Variants in KCTD16 observed in about 807,000 individuals in gnomAD.
KCTD16 encodes the protein potassium channel tetramerization domain containing 16, also known as BTB/POZ domain-containing protein KCTD16.
A neutral mutation model predicts 33.2 loss-of-function variants in KCTD16; 13 were observed. That is an observed-to-expected ratio of 0.39 (90% CI 0.25 to 0.62). The LOEUF (loss-of-function observed/expected upper bound fraction) is 0.62, where lower values mean the gene tolerates loss of function less well. KCTD16 is among the 20% of genes least tolerant of loss of function. The pLI, the probability that KCTD16 is intolerant of heterozygous loss-of-function variation, is 0.50. For synonymous variants in KCTD16, 197 were observed against 195.3 expected (o/e 1.01, Z -0.07); for missense variants, 441 against 525.1 (o/e 0.84, Z 1.57).
intron 3 of KCTD16, among the ~76,000 whole-genome samples, chr5:144,269,582 C>A (rs1755239640): frequency 6.6e-6 from 1 of 151,948 alleles, no homozygotes; most frequent in South Asian, 2.1e-4. Flanking sequence ...ACCCGCCCTG[C>A]AAGAAATGTA....
intron 3 of KCTD16, among the ~76,000 whole-genome samples, chr5:144,322,948 G>A (rs1460544038): frequency 6.6e-6 from 1 of 152,068 alleles, no homozygotes; most frequent in Non-Finnish European, 1.5e-5. Flanking sequence ...CTGACACAAA[G>A]GAAATAGAAT....
intron 3 of KCTD16, among the ~76,000 whole-genome samples, chr5:144,317,418 CA>C (rs777803743): frequency 1.3e-5 from 2 of 152,170 alleles, no homozygotes; most frequent in Non-Finnish European, 2.9e-5. Context: ...ACTTATTCAA[CA>C]GTAGATTTCT....
At chr5:144,377,238 A>G (rs913247478) in intron 3 of KCTD16, among the ~76,000 whole-genome samples, 6 of 152,062 alleles carry the variant, frequency 3.9e-5, no homozygotes, top group African/African-American at 1.4e-4. Context: ...TAACTATAAC[A>G]TTTTCAAATA....
intron 3 of KCTD16, among the ~76,000 whole-genome samples, chr5:144,220,160 A>G (rs1207838071): frequency 6.6e-6 from 1 of 152,088 alleles, no homozygotes; most frequent in Admixed American, 6.6e-5. Flanking sequence ...CCAAACACTC[A>G]TCCTTCCACT....
At chr5:144,319,978 A>G (rs1433836683) in intron 3 of KCTD16, among the ~76,000 whole-genome samples, 1 of 152,168 alleles carries the variant, frequency 6.6e-6, no homozygotes, top group Non-Finnish European at 1.5e-5. Context: ...AGAGTTATAC[A>G]TTCAACTTGA....
chr5:144,212,407 G>T, intron 3 of KCTD16, among the ~76,000 whole-genome samples: 1 of 152,160 alleles, frequency 6.6e-6, no homozygotes, highest in East Asian at 1.9e-4. Context: ...TTGGCAGCAA[G>T]AATTGTGTCA....
chr5:144,340,905 C>A (rs866621671), intron 3 of KCTD16, among the ~76,000 whole-genome samples: 83 of 152,098 alleles, frequency 5.5e-4, no homozygotes, highest in African/African-American at 1.8e-3. Context: ...CAAAAATTAG[C>A]CAGGCACGGT....
chr5:144,224,472 G>T (rs60094449), intron 3 of KCTD16, among the ~76,000 whole-genome samples: 3 of 130,574 alleles, frequency 2.3e-5, no homozygotes, highest in South Asian at 2.6e-4. Context: ...CTGACATAAA[G>T]AATTAATGGT....
intron 3 of KCTD16, among the ~76,000 whole-genome samples, chr5:144,444,899 T>A (rs1244837690): frequency 6.7e-6 from 1 of 149,722 alleles, no homozygotes; most frequent in African/African-American, 2.4e-5. Context: ...ATGTGTGTAA[T>A]ATAGTATATA....
At chr5:144,459,463 T>C (rs1426925855) in intron 3 of KCTD16, among the ~76,000 whole-genome samples, 1 of 151,934 alleles carries the variant, frequency 6.6e-6, no homozygotes, top group African/African-American at 2.4e-5. Flanking sequence ...GTGCTTCTCC[T>C]GCCTCAGCCT....
intron 3 of KCTD16, among the ~76,000 whole-genome samples, chr5:144,225,956 T>A (rs1753918938): frequency 6.6e-6 from 1 of 152,240 alleles, no homozygotes; most frequent in South Asian, 2.1e-4. Context: ...AAACTTATTC[T>A]TTATTTAAAA....
At chr5:144,409,532 C>G (rs1346503599) in intron 3 of KCTD16, among the ~76,000 whole-genome samples, 1 of 151,894 alleles carries the variant, frequency 6.6e-6, no homozygotes, top group African/African-American at 2.4e-5. Context: ...CCTCAAGGCT[C>G]TTATATTCTC....
intron 3 of KCTD16, among the ~76,000 whole-genome samples, chr5:144,449,990 G>T (rs1036691095): frequency 6.6e-6 from 1 of 151,912 alleles, no homozygotes; most frequent in Admixed American, 6.6e-5. Context: ...CAAAGGAAAC[G>T]ATTAGCAGAG....
chr5:144,401,023 A>C (rs1734487253), intron 3 of KCTD16, among the ~76,000 whole-genome samples: 1 of 151,156 alleles, frequency 6.6e-6, no homozygotes. Flanking sequence ...TTGGAAAGGT[A>C]GGCAGGGACA....
intron 2 of KCTD16, among the ~76,000 whole-genome samples, chr5:144,182,484 G>A (rs1219665602): frequency 2.0e-5 from 3 of 152,178 alleles, no homozygotes; most frequent in Admixed American, 2.0e-4. Flanking sequence ...GGGGAAGAAG[G>A]GATTGAGATA....
chr5:144,202,543 A>G lies in KCTD16; in HGVS notation c.-326-3846A>G, dbSNP rs181325266. 3.9e-5 allele frequency among the ~76,000 whole-genome samples: 6 copies of G among 152,318 alleles called. No homozygotes were observed. In the East Asian group the frequency reaches 1.2e-3, roughly 29 times the overall value. Reference sequence around the variant, plus strand: ...ATGAACCCCAACATGAATGGGCTTCAGGCCAATCTTGAACCAAACCCCTGA... The same window carrying G: ...ATGAACCCCAACATGAATGGGCTTCGGGCCAATCTTGAACCAAACCCCTGA... On this transcript the variant is annotated intron_variant, in intron 2 of 3. Transcript: ENST00000512467.
At chr5:144,267,644 C>T (rs1484986782) in intron 3 of KCTD16, among the ~76,000 whole-genome samples, 1 of 152,008 alleles carries the variant, frequency 6.6e-6, no homozygotes, top group African/African-American at 2.4e-5. Context: ...ATTTTCTTTC[C>T]CATTCTTCTT....
intron 2 of KCTD16, among the ~76,000 whole-genome samples, chr5:144,203,777 G>A (rs1388154167): frequency 6.6e-6 from 1 of 152,164 alleles, no homozygotes; most frequent in Non-Finnish European, 1.5e-5. Flanking sequence ...TCTTTGACCT[G>A]ATGTCAACGA....
intron 3 of KCTD16, among the ~76,000 whole-genome samples, chr5:144,238,793 A>AT (rs913396913): frequency 3.3e-5 from 5 of 152,292 alleles, no homozygotes; most frequent in African/African-American, 1.2e-4. Flanking sequence ...CTTCAGCATC[A>AT]TTTTTTGAGC....
Sources: gnomAD v4.1 joint callset for allele counts (sites outside exome capture counted in the v4.1 genomes callset) on GRCh38, gnomAD v4.1.1 for gene constraint, MANE v1.5 for transcripts, NCBI Gene and HGNC (gene_info 2026-07-23, HGNC 2026-07-21) for gene names.